The following PAXIP1 variants were observed in gnomAD, a reference collection of about 807,000 sequenced individuals.
The protein encoded by PAXIP1 is PAX interacting protein 1, also known as PAX-interacting protein 1.
In PAXIP1, 19 loss-of-function variants were observed where a neutral mutation model predicts 140.6. The observed-to-expected ratio is 0.14, with a 90% CI of 0.09 to 0.20. The LOEUF is 0.20. Ranked by LOEUF, PAXIP1 falls within the 10% of genes least tolerant of loss-of-function variation. The pLI, the probability that PAXIP1 is intolerant of heterozygous loss-of-function variation, is 1.00. For synonymous variants in PAXIP1, 442 were observed against 444.6 expected, an observed-to-expected ratio of 0.99 and a Z score of 0.07; for missense variants, 920 against 1,208.6, an observed-to-expected ratio of 0.76 and a Z score of 3.54.
intron 11 of PAXIP1, among the ~76,000 whole-genome samples, 166 bp downstream of exon 11, chr7:154,961,361 G>T (rs907155180): frequency 9.2e-5 from 14 of 151,950 alleles, no homozygotes; most frequent in African/African-American, 3.4e-4. Context: ...ATGTTTTCTA[G>T]GTATTTCTAC....
intron 2 of PAXIP1, among the ~76,000 whole-genome samples, chr7:154,997,294 T>C (rs1810678904): frequency 6.6e-6 from 1 of 152,150 alleles, no homozygotes; most frequent in Non-Finnish European, 1.5e-5. Flanking sequence ...CAGACTGGAG[T>C]ACAGTAGCTA....
At chr7:154,991,152 T>C in intron 3 of PAXIP1, 83 bp from the exon 4 acceptor site, 3 of 648,058 alleles carry the variant, frequency 4.6e-6, no homozygotes, top group South Asian at 4.3e-5. Flanking sequence ...ACCCACTCCG[T>C]CCCCACTCAG....
intron 13 of PAXIP1, among the ~76,000 whole-genome samples, chr7:154,957,520 CTT>C (rs1808571795): frequency 6.6e-6 from 1 of 152,078 alleles, no homozygotes; most frequent in South Asian, 2.1e-4. Flanking sequence ...TTTTTTTGTT[CTT>C]TTCTTTCCCT....
intron 8 of PAXIP1, among the ~76,000 whole-genome samples, chr7:154,966,290 G>T (rs1809015957): frequency 6.6e-6 from 1 of 152,146 alleles, no homozygotes; most frequent in South Asian, 2.1e-4. Flanking sequence ...CCAGACTCCT[G>T]ATCTGTCCAC....
At position 154,976,914 on chromosome 7, in the gene PAXIP1, T is replaced by G. The variant is rs535684534; in HGVS notation, c.439-583A>C. 2.1e-4 allele frequency among the ~76,000 whole-genome samples: 32 copies of G among 152,348 alleles called. No individual in the cohort carries two copies. In the South Asian group the frequency reaches 6.4e-3, roughly 31 times the overall value. On this transcript the variant is annotated intron_variant, in intron 5 of 20. Coordinates refer to ENST00000404141, the MANE Select transcript of PAXIP1 (RefSeq NM_007349.4). ...CTCTGACCTAACAAGGCTCACAATTTGGTTCTAAAGAGATATTAAATACGG... is the reference window on the plus strand; with the variant it reads ...CTCTGACCTAACAAGGCTCACAATTGGGTTCTAAAGAGATATTAAATACGG...
At chr7:154,981,012 T>C (rs1012833268) in intron 5 of PAXIP1, among the ~76,000 whole-genome samples, 1 of 151,980 alleles carries the variant, frequency 6.6e-6, no homozygotes, top group Non-Finnish European at 1.5e-5. Flanking sequence ...TCCCAGCTAC[T>C]TGGGAGGCTG....
intron 3 of PAXIP1, among the ~76,000 whole-genome samples, chr7:154,992,397 A>T (rs1175666339): frequency 6.6e-6 from 1 of 152,194 alleles, no homozygotes; most frequent in African/African-American, 2.4e-5. Flanking sequence ...AAATACAAAA[A>T]TTAGCTGGGC....
Position 155,002,967 on chromosome 7 carries a change from G to C in PAXIP1, c.-38C>G. On this transcript the variant is annotated 5_prime_UTR_variant, in exon 1 of 21. Coordinates refer to ENST00000404141, the MANE Select transcript of PAXIP1 (RefSeq NM_007349.4). ...CCGGGAGGCTCCGCGGCGGCGCCCG[G>C]CCCCGCCCACCCCCCGCCCCCGGCC... The C allele has an allele frequency of 2.0e-6, 2 of 976,218 alleles. No homozygotes were observed. The highest frequency in any genetic ancestry group is 2.5e-6 in the Non-Finnish European group (2 of 794,272). The allele number at this position is 976,218 out of a possible 1,614,324, so 60.5% of individuals were successfully genotyped here.
At position 155,000,170 on chromosome 7, in the gene PAXIP1, A is replaced by C. The variant is rs377402231; in HGVS notation, c.82-1386T>G. The C allele has an allele frequency of 6.6e-5, 10 of 152,300 alleles. No individual in the cohort carries two copies. In the South Asian group the frequency reaches 1.9e-3, roughly 28 times the overall value. The allele number at this position is 152,300 out of a possible 1,614,324, so 9.4% of individuals were successfully genotyped here. On this transcript the variant is annotated intron_variant, in intron 1 of 20. Coordinates refer to ENST00000404141, the MANE Select transcript of PAXIP1 (RefSeq NM_007349.4). ...TTTGCTCCAACCTCAAAAAAAAATA[A>C]AGTCACCCACAAGCTAGACAACCTT...
In PAXIP1 at chr7:154,943,995, A is replaced by G. The variant is rs963022404; in HGVS notation, c.*154T>C. The G allele has an allele frequency of 1.4e-6, 1 of 715,844 alleles. No individual in the cohort carries two copies. The allele number at this position is 715,844 out of a possible 1,614,324, so 44.3% of individuals were successfully genotyped here. A position where few individuals can be genotyped will look rare whatever the true frequency, so the allele number is the denominator to read the frequency against. On this transcript the variant is annotated 3_prime_UTR_variant, in exon 21 of 21. Transcript: ENST00000404141. ...ATTGCACATCTTAAAAAGATGCAGT[A>G]TATTTATTATATCTGTCTTCCTGCT...
chr7:154,969,207 A>C lies in PAXIP1; in HGVS notation c.1075-81T>G, dbSNP rs1585056725. 2.2e-6 allele frequency: 3 copies of C among 1,377,560 alleles called. No homozygotes were observed. In the East Asian group the frequency reaches 7.7e-5, roughly 35 times the overall value. The allele number at this position is 1,377,560 out of a possible 1,614,324, so 85.3% of individuals were successfully genotyped here. On this transcript the variant is annotated intron_variant, in intron 6 of 20. Transcript: ENST00000404141. ...ATAATTTCTTAGTCAAGAGAATGGC[A>C]TATCCTATTTATTAACAATATTCAA... is the stretch of plus-strand genomic sequence containing the variant.
intron 7 of PAXIP1, 38 bp downstream of exon 7, chr7:154,968,365 A>T: frequency 6.7e-7 from 1 of 1,488,352 alleles, no homozygotes; most frequent in Non-Finnish European, 9.0e-7. Flanking sequence ...TGGGTACAAG[A>T]CTTTTAGGAG....
chr7:154,995,400 C>T (rs1328093658), intron 2 of PAXIP1, among the ~76,000 whole-genome samples: 1 of 152,190 alleles, frequency 6.6e-6, no homozygotes, highest in Non-Finnish European at 1.5e-5. Flanking sequence ...CATAAAGTCC[C>T]ATCCAAGCAC....
chr7:154,962,632 G>A, intron 9 of PAXIP1, 174 bp from the exon 10 acceptor site: 1 of 525,356 alleles, frequency 1.9e-6, no homozygotes, highest in Non-Finnish European at 3.3e-6. Flanking sequence ...CTGGTTACTT[G>A]AAATACAACC....
At chr7:155,002,818 G>T (rs527976514) in intron 1 of PAXIP1, 31 bp downstream of exon 1, 2 of 1,291,852 alleles carry the variant, frequency 1.5e-6, no homozygotes, top group African/African-American at 1.5e-5. Context: ...GCGGACGGGG[G>T]AGGAGGCCGC....
chr7:155,002,821 G>C (rs779748834), intron 1 of PAXIP1, 28 bp downstream of exon 1: 2 of 1,322,870 alleles, frequency 1.5e-6, no homozygotes, highest in Non-Finnish European at 2.0e-6. Flanking sequence ...GACGGGGGAG[G>C]AGGCCGCGGC....
rs1343581682 is a variant in PAXIP1, at chr7:154,991,084, T to C, written c.261-15A>G. On this transcript the variant is annotated splice_polypyrimidine_tract_variant and intron_variant, in intron 3 of 20. Coordinates refer to ENST00000404141, the MANE Select transcript of PAXIP1 (RefSeq NM_007349.4). ...AACCATTTACTCTGTTTTATAGTTATTAAGATTACAATGAAATAAGATTAG... is the reference window on the plus strand; with the variant it reads ...AACCATTTACTCTGTTTTATAGTTACTAAGATTACAATGAAATAAGATTAG... 2 of 1,401,126 alleles carry C rather than the reference T, an allele frequency of 1.4e-6. No individual in the cohort carries two copies. The highest frequency in any genetic ancestry group is 1.5e-5 in the African/African-American group (1 of 68,672). The allele number at this position is 1,401,126 out of a possible 1,614,324, so 86.8% of individuals were successfully genotyped here.
In PAXIP1 at chr7:154,963,647, C is replaced by A. The variant is rs757221924; in HGVS notation, c.1989+24G>T. On this transcript the variant is annotated intron_variant, in intron 9 of 20. Transcript: ENST00000404141. This position sits in a 1 kb window ranked among gnomAD's most constrained non-coding sequence, Gnocchi z 4.1. Reference sequence around the variant, plus strand: ...AAAAATGCCAGACCTTGCTCCTGGTCGCAGCTAAGGCTATTTTCCTTACCT... The same window carrying A: ...AAAAATGCCAGACCTTGCTCCTGGTAGCAGCTAAGGCTATTTTCCTTACCT... The A allele has an allele frequency of 1.1e-5, 16 of 1,521,334 alleles. No homozygotes were observed. Among genetic ancestry groups the A allele is most frequent in the Non-Finnish European group, 1.4e-5 (15 of 1,100,356 alleles). 94.2% of individuals were successfully genotyped at this position (1,521,334 alleles called of 1,614,324 possible). A position where few individuals can be genotyped will look rare whatever the true frequency, so the allele number is the denominator to read the frequency against.
chr7:154,992,755 C>T (rs57164451), intron 3 of PAXIP1, among the ~76,000 whole-genome samples: 32,486 of 152,140 alleles, frequency 0.21, 4,155 homozygotes, highest in Admixed American at 0.3. Context: ...TTTCCTTCAA[C>T]TCTTTAGGCT....
Sources: allele counts gnomAD v4.1 joint callset (sites outside exome capture counted in the v4.1 genomes callset), GRCh38; gene constraint gnomAD v4.1.1; non-coding constraint Gnocchi (gnomAD v3.1); transcripts MANE v1.5; gene names NCBI Gene and HGNC (gene_info 2026-07-23, HGNC 2026-07-21).